Variants in SHANK2 observed in about 807,000 individuals in gnomAD.
SHANK2 encodes the protein SH3 and multiple ankyrin repeat domains protein 2.
Under a neutral mutation model 133.7 loss-of-function variants are expected in SHANK2, and 43 were observed. That is an observed-to-expected ratio of 0.32 (90% confidence interval 0.25 to 0.41). SHANK2 has a LOEUF of 0.41. SHANK2 is among the 10% of genes least tolerant of loss of function. The pLI is 1.00. For missense variants in SHANK2, 1,994 were observed against 2,235.8 expected (o/e 0.89, Z 2.18); for synonymous variants, 1,017 against 952.8 (o/e 1.07, Z -1.24).
intron 14 of SHANK2, among the ~76,000 whole-genome samples, chr11:70,771,274 A>G (rs969899492): frequency 1.3e-5 from 2 of 152,246 alleles, no homozygotes; most frequent in East Asian, 1.9e-4. Flanking sequence ...TCAGCACACC[A>G]TCGCGAAGGA....
At chr11:70,785,973 G>A (rs2135143026) in intron 14 of SHANK2, among the ~76,000 whole-genome samples, 1 of 152,232 alleles carries the variant, frequency 6.6e-6, no homozygotes, top group South Asian at 2.1e-4. Context: ...CTGATGGGCT[G>A]GTGTCCTACC....
intron 9 of SHANK2, among the ~76,000 whole-genome samples, chr11:71,058,917 T>C (rs1950954151): frequency 1.3e-5 from 2 of 152,218 alleles, no homozygotes; most frequent in African/African-American, 4.8e-5. Context: ...TCAGCAGATT[T>C]GAAAGAGAGC....
Position 70,472,835 on chromosome 11 carries a change from C to T in SHANK2, c.*34G>A. ...AGCACGAGCCCATCTCTACTTATAA[C>T]AAGAGCAGTCTGCGAGGTGGAGAGC... is the stretch of plus-strand genomic sequence containing the variant. On this transcript the variant is annotated 3_prime_UTR_variant, in exon 26 of 26. Coordinates refer to ENST00000601538, the MANE Select transcript of SHANK2 (RefSeq NM_012309.5). The surrounding 1 kb of genome is among the most constrained non-coding windows in gnomAD (Gnocchi z 4.4). 1 of 1,599,480 alleles carries T rather than the reference C, an allele frequency of 6.3e-7. No homozygotes were observed. Among genetic ancestry groups the T allele is most frequent in the Non-Finnish European group, 8.6e-7 (1 of 1,166,662 alleles).
chr11:70,848,546 T>G (rs782042577), intron 11 of SHANK2, among the ~76,000 whole-genome samples: 1 of 152,190 alleles, frequency 6.6e-6, no homozygotes, highest in Non-Finnish European at 1.5e-5. Context: ...GGCCCTAAAG[T>G]GCACTGCAGG....
intron 3 of SHANK2, among the ~76,000 whole-genome samples, chr11:71,126,711 A>G (rs533121581): frequency 2.0e-5 from 3 of 149,608 alleles, no homozygotes; most frequent in Admixed American, 6.7e-5. Flanking sequence ...GTTGATTCCA[A>G]CCCTCATAAA....
At chr11:71,094,752 T>G (rs1476582196) in intron 6 of SHANK2, 64 bp from the exon 7 acceptor site, 8 of 1,495,426 alleles carry the variant, frequency 5.3e-6, no homozygotes, top group Non-Finnish European at 7.2e-6. Context: ...AAAGCCATAT[T>G]CAGATGCCCA....
intron 10 of SHANK2, among the ~76,000 whole-genome samples, chr11:70,909,876 A>T (rs1036318579): frequency 6.6e-6 from 1 of 152,258 alleles, no homozygotes; most frequent in East Asian, 1.9e-4. Context: ...GAGTTTGATC[A>T]GGCTGCCATC....
intron 1 of SHANK2, among the ~76,000 whole-genome samples, chr11:71,241,830 G>C (rs1047833048): frequency 1.3e-5 from 2 of 152,244 alleles, no homozygotes; most frequent in East Asian, 3.8e-4. Flanking sequence ...GCTGGAGCGA[G>C]TGGGTAAAAG....
At chr11:70,923,603 GCGTGA>G (rs1565408085) in intron 10 of SHANK2, among the ~76,000 whole-genome samples, 1 of 152,110 alleles carries the variant, frequency 6.6e-6, no homozygotes, top group African/African-American at 2.4e-5. Flanking sequence ...GAGTGCAGTG[GCGTGA>G]CGTAACCTCA....
intron 14 of SHANK2, among the ~76,000 whole-genome samples, chr11:70,755,646 C>T (rs782134697): frequency 8.5e-5 from 13 of 152,138 alleles, no homozygotes; most frequent in Non-Finnish European, 1.6e-4. Flanking sequence ...CTTTCTCGTG[C>T]GGAAGGGACT....
chr11:70,814,934 C>T (rs1948357895), intron 12 of SHANK2, among the ~76,000 whole-genome samples: 1 of 151,878 alleles, frequency 6.6e-6, no homozygotes, highest in South Asian at 2.1e-4. Flanking sequence ...CAACCAGCCC[C>T]TTGGCAGCTG....
intron 3 of SHANK2, among the ~76,000 whole-genome samples, chr11:71,143,090 C>T (rs1555106061): frequency 6.6e-6 from 1 of 152,142 alleles, no homozygotes; most frequent in Admixed American, 6.5e-5. Flanking sequence ...AAAAAATTAG[C>T]CGGGCATGGC....
rs534660891 is a variant in SHANK2, at chr11:70,515,681, A to G, written c.2062-12750T>C. ...AAAAACATTTAAAAGTTAGCCAAGT[A>G]TGGCAGCACGTGGCTGTGGTTCCAG... On this transcript the variant is annotated intron_variant, in intron 17 of 25. Coordinates refer to ENST00000601538, the MANE Select transcript of SHANK2 (RefSeq NM_012309.5). Among the ~76,000 whole-genome samples, 8 of 148,588 alleles carry G rather than the reference A, an allele frequency of 5.4e-5. No individual in the cohort carries two copies. The East Asian group carries it at 1.4e-3, about 26-fold the overall frequency.
Position 71,116,597 on chromosome 11 carries a change from C to T in SHANK2, c.411+2232G>A, listed in dbSNP as rs1951984321. Among the ~76,000 whole-genome samples, 3 of 152,264 alleles carry T rather than the reference C, an allele frequency of 2.0e-5. No homozygotes were observed. The South Asian group carries it at 6.2e-4, about 31-fold the overall frequency. ...AGAAGTGAAGCTGTGCTGTTGAGAA[C>T]AGCTGGATGGTCACAGCCGCCCTGT... On this transcript the variant is annotated intron_variant, in intron 4 of 25. Transcript: ENST00000601538.
chr11:71,112,590 G>A (rs782143934), intron 5 of SHANK2, among the ~76,000 whole-genome samples: 1 of 152,118 alleles, frequency 6.6e-6, no homozygotes, highest in Non-Finnish European at 1.5e-5. Context: ...TGCTCTGCAG[G>A]GAGTGCAATT....
intron 11 of SHANK2, among the ~76,000 whole-genome samples, chr11:70,868,608 C>T (rs1949409705): frequency 6.6e-6 from 1 of 152,220 alleles, no homozygotes. Context: ...CAGGCTCAGC[C>T]TATGGACTGA....
At position 70,625,810 on chromosome 11, in the gene SHANK2, GAAAAAAAAAAA is replaced by G. The variant is rs34147403; in HGVS notation, c.2061+34007_2061+34017del. Among the ~76,000 whole-genome samples, 46 of 41,394 alleles carry G rather than the reference GAAAAAAAAAAA, an allele frequency of 1.1e-3. No individual in the cohort carries two copies. The South Asian group carries it at 0.043, about 38-fold the overall frequency. 27.2% of individuals were successfully genotyped at this position (41,394 alleles called of 152,430 possible). A position where few individuals can be genotyped will look rare whatever the true frequency, so the allele number is the denominator to read the frequency against. On this transcript the variant is annotated intron_variant, in intron 17 of 25. Transcript: ENST00000601538. ...GCCTCTTGGATCTCTGTGCAAAAATGAAAAAAAAAAAAAAAAAAAAAAAAAAAAGACACGTT... is the reference window on the plus strand; with the variant it reads ...GCCTCTTGGATCTCTGTGCAAAAATGAAAAAAAAAAAAAAAAAGACACGTT...
chr11:70,541,636 C>A (rs1217014936), intron 17 of SHANK2, among the ~76,000 whole-genome samples: 2 of 152,218 alleles, frequency 1.3e-5, no homozygotes, highest in Non-Finnish European at 1.5e-5. Context: ...CGGTTTATGG[C>A]CTAAGGCAGT....
intron 17 of SHANK2, among the ~76,000 whole-genome samples, chr11:70,504,513 C>T (rs552233596): frequency 4.6e-5 from 7 of 152,304 alleles, no homozygotes; most frequent in Middle Eastern, 3.4e-3. Context: ...GCTGTGGGAC[C>T]GGCTCATTCC....
Sources: allele counts gnomAD v4.1 joint callset (sites outside exome capture counted in the v4.1 genomes callset), GRCh38; gene constraint gnomAD v4.1.1; non-coding constraint Gnocchi (gnomAD v3.1); transcripts MANE v1.5; gene names NCBI Gene and HGNC (gene_info 2026-07-23, HGNC 2026-07-21).